The following CARD14 variants were observed in gnomAD, a reference collection of about 807,000 sequenced individuals.
CARD14 encodes the protein caspase recruitment domain family member 14.
CARD14 carries 107 observed loss-of-function variants against 111.5 expected under a neutral mutation model. The observed-to-expected ratio is 0.96, with a 90% CI of 0.82 to 1.13. The LOEUF (loss-of-function observed/expected upper bound fraction) is 1.13. CARD14 is among the 50% of genes most tolerant of loss of function. CARD14 has a pLI of 0.00. For synonymous variants in CARD14, 617 were observed against 579.6 expected (o/e 1.06, Z -0.93); for missense variants, 1,322 against 1,362.3 (o/e 0.97, Z 0.47).
intron 1 of CARD14, among the ~76,000 whole-genome samples, chr17:80,172,475 T>G (rs900838752): frequency 6.6e-6 from 1 of 152,206 alleles, no homozygotes; most frequent in Non-Finnish European, 1.5e-5. Context: ...TCTAGAACTT[T>G]CCCCACTTCA....
chr17:80,174,812 T>C (rs1233431104), intron 2 of CARD14, among the ~76,000 whole-genome samples: 2 of 152,110 alleles, frequency 1.3e-5, no homozygotes, highest in African/African-American at 4.8e-5. Context: ...GCGTTTTCTC[T>C]GACTTCCCTA....
At chr17:80,206,138 C>G (rs1389261475) in intron 22 of CARD14, among the ~76,000 whole-genome samples, 2 of 152,204 alleles carry the variant, frequency 1.3e-5, no homozygotes, top group East Asian at 3.9e-4. Context: ...GATGGAAACT[C>G]TTAATACTGC....
At chr17:80,180,944 G>A (rs2144142966) in intron 4 of CARD14, among the ~76,000 whole-genome samples, 1 of 152,252 alleles carries the variant, frequency 6.6e-6, no homozygotes, top group Non-Finnish European at 1.5e-5. Context: ...TGTATTTTTA[G>A]TAGAGACAGG....
At position 80,189,968 on chromosome 17, in the gene CARD14, C is replaced by T. The variant is rs552320625; in HGVS notation, c.963+96C>T. 17 of 1,474,136 alleles carry T rather than the reference C, an allele frequency of 1.2e-5. No individual in the cohort carries two copies. The African/African-American group carries it at 1.8e-4, about 15-fold the overall frequency. The allele number at this position is 1,474,136 out of a possible 1,614,324, so 91.3% of individuals were successfully genotyped here. ...GGAAGCCAGATTCCTTCATCCACGC[C>T]GAGCTCACATAATTTTGCTGAACGA... On this transcript the variant is annotated intron_variant, in intron 9 of 23. Coordinates refer to ENST00000648509, the MANE Select transcript of CARD14 (RefSeq NM_001366385.1). This position sits in a 1 kb window ranked among gnomAD's most constrained non-coding sequence, Gnocchi z 4.7.
At chr17:80,175,951 C>T (rs1160327429) in intron 2 of CARD14, among the ~76,000 whole-genome samples, 2 of 79,238 alleles carry the variant, frequency 2.5e-5, no homozygotes, top group African/African-American at 1.0e-4. Flanking sequence ...GCTCTCGGAT[C>T]GTTTTTTTTT....
rs1598675593 is a variant in CARD14 at position 80,198,570 on chromosome 17, C to T, written c.1830C>T (p.Arg610=). 2 of 1,612,640 alleles carry T rather than the reference C, an allele frequency of 1.2e-6. No homozygotes were observed. The highest frequency in any genetic ancestry group is 1.1e-5 in the South Asian group (1 of 91,010). The part of the protein sequence containing the change: ...PGSAADQMAL[R]PGTQIVMVDY... ...CGGCGGCGGACCAGATGGCCTTGCG[C>T]CCGGGCACCCAGATTGTGATGGTGA... is the stretch of plus-strand genomic sequence containing the variant. The change falls in exon 16 of 24, where the codon CGC becomes CGT. Residue 610 remains arginine (R), a synonymous_variant. Coordinates refer to ENST00000648509, the MANE Select transcript of CARD14 (RefSeq NM_001366385.1). The surrounding 1 kb of genome is among the most constrained non-coding windows in gnomAD (Gnocchi z 7.5).
In CARD14 at chr17:80,188,922, A is replaced by C. The variant is rs1361169030; in HGVS notation, c.843+378A>C. 1 of 155,716 alleles carries C rather than the reference A, an allele frequency of 6.4e-6. No individual in the cohort carries two copies. The highest frequency in any genetic ancestry group is 1.9e-4 in the East Asian group (1 of 5,312). 9.6% of individuals were successfully genotyped at this position (155,716 alleles called of 1,614,324 possible). A position where few individuals can be genotyped will look rare whatever the true frequency, so the allele number is the denominator to read the frequency against. ...AAAAAGTAGCCGGGCATGGTGGTGC[A>C]CACCTGTGGTCCCAGCTATTCGGGA... On this transcript the variant is annotated intron_variant, in intron 8 of 23. Coordinates refer to ENST00000648509, the MANE Select transcript of CARD14 (RefSeq NM_001366385.1). The surrounding 1 kb of genome is among the most constrained non-coding windows in gnomAD (Gnocchi z 4.5).
chr17:80,204,452 AG>A, intron 20 of CARD14, 111 bp downstream of exon 20: 7 of 1,052,676 alleles, frequency 6.6e-6, no homozygotes, highest in Non-Finnish European at 9.5e-6. Context: ...CATTTAGGCC[AG>A]GATCTGGTCT....
At chr17:80,190,238 G>A (rs1017042851) in intron 9 of CARD14, among the ~76,000 whole-genome samples, 19 of 152,146 alleles carry the variant, frequency 1.2e-4, no homozygotes, top group African/African-American at 4.1e-4. Flanking sequence ...ACACAACTAT[G>A]CATGCAACAT....
Position 80,202,434 on chromosome 17 carries a change from T to A in CARD14, c.2219+14T>A, listed in dbSNP as rs8069255. 757,109 of 1,604,700 alleles carry A rather than the reference T, an allele frequency of 0.47. 184,171 individuals are homozygous for A. The highest frequency in any genetic ancestry group is 0.54 in the East Asian group (24,292 of 44,604). ...CAACTACTCCAGGTGAGCAGCTGCC[T>A]CGAGCTCGGTGCGTCCCCAGAGAGG... is the stretch of plus-strand genomic sequence containing the variant. On this transcript the variant is annotated intron_variant, in intron 18 of 23. Coordinates refer to ENST00000648509, the MANE Select transcript of CARD14 (RefSeq NM_001366385.1).
At chr17:80,205,428 C>A in intron 21 of CARD14, 103 bp from the exon 22 acceptor site, 1 of 1,463,940 alleles carries the variant, frequency 6.8e-7, no homozygotes, top group Non-Finnish European at 9.3e-7. Context: ...AAGAGCTTCT[C>A]CCAGTGCTGG....
rs2040420908 is a variant in CARD14, at chr17:80,188,606, G to A, written c.843+62G>A. 1 of 1,381,172 alleles carries A rather than the reference G, an allele frequency of 7.2e-7. No individual in the cohort carries two copies. The highest frequency in any genetic ancestry group is 9.4e-7 in the Non-Finnish European group (1 of 1,060,818). 85.6% of individuals were successfully genotyped at this position (1,381,172 alleles called of 1,614,324 possible). The stretch of plus-strand genomic sequence containing the variant: ...GCCTTGGGGGCTTGGCCCTCAGGCT[G>A]TGGGGTTTCTGACAGGTGGTTTAGT... On this transcript the variant is annotated intron_variant, in intron 8 of 23. Transcript: ENST00000648509. This position sits in a 1 kb window ranked among gnomAD's most constrained non-coding sequence, Gnocchi z 4.5.
At chr17:80,200,721 A>G (rs2040929928) in intron 16 of CARD14, 1 of 153,826 alleles carries the variant, frequency 6.5e-6, no homozygotes, top group African/African-American at 2.4e-5. Flanking sequence ...ATATGTAATG[A>G]AAGAATCATA....
At position 80,195,408 on chromosome 17, in the gene CARD14, C is replaced by G. The variant is rs547954709; in HGVS notation, c.1499+75C>G. On this transcript the variant is annotated intron_variant, in intron 13 of 23. Transcript: ENST00000648509. The surrounding 1 kb of genome is among the most constrained non-coding windows in gnomAD (Gnocchi z 4.7). ...CTGGCAACTCACCAGAGACACCAAC[C>G]TAGACCTCAGGGCATCTGGGTATTG... 20 of 1,549,498 alleles carry G rather than the reference C, an allele frequency of 1.3e-5. No homozygotes were observed. Among genetic ancestry groups the G allele is most frequent in the East Asian group, 9.2e-5 (4 of 43,486 alleles).
At position 80,177,308 on chromosome 17, in the gene CARD14, C is replaced by T. The variant is rs2040050057; in HGVS notation, c.-366-1200C>T. Among the ~76,000 whole-genome samples the T allele has an allele frequency of 2.6e-5, 4 of 152,030 alleles. No individual in the cohort carries two copies. The South Asian group carries it at 8.3e-4, about 32-fold the overall frequency. On this transcript the variant is annotated intron_variant, in intron 2 of 23. Coordinates refer to ENST00000648509, the MANE Select transcript of CARD14 (RefSeq NM_001366385.1). ...GAGTGGCACTACCTCAGCTCTGCAA[C>T]CTACACCTCCCAGGCTCAAGCGATC...
At chr17:80,174,619 A>G (rs2039980399) in intron 2 of CARD14, among the ~76,000 whole-genome samples, 1 of 152,080 alleles carries the variant, frequency 6.6e-6, no homozygotes, top group South Asian at 2.1e-4. Flanking sequence ...AGGGTAAAGA[A>G]TCTTCTTATT....
Position 80,204,219 on chromosome 17 carries a change from T to C in CARD14, c.2284-8T>C. On this transcript the variant is annotated splice_region_variant and splice_polypyrimidine_tract_variant and intron_variant, in intron 19 of 23. Coordinates refer to ENST00000648509, the MANE Select transcript of CARD14 (RefSeq NM_001366385.1). The stretch of plus-strand genomic sequence containing the variant: ...CTCCTCCTCATCCTTTCTCTGTCCC[T>C]CCTTTAGCCATCTTCTGGGGGACCA... 6.3e-7 allele frequency: 1 copy of C among 1,579,492 alleles called. No homozygotes were observed. The highest frequency in any genetic ancestry group is 8.7e-7 in the Non-Finnish European group (1 of 1,155,796).
Position 80,191,424 on chromosome 17 carries a change from C to T in CARD14, c.1191C>T (p.Cys397=), listed in dbSNP as rs201501775. The T allele has an allele frequency of 3.7e-6, 6 of 1,613,754 alleles. No individual in the cohort carries two copies. Among genetic ancestry groups the T allele is most frequent in the African/African-American group, 2.7e-5 (2 of 75,074 alleles). ...RQVFELTDQV[C]ELRTQLRQLQ... is the part of the protein sequence containing the mutation. ...TGTTCGAGCTGACGGACCAGGTCTG[C>T]GAGCTGCGCACACAGCTTCGCCAGC... The change falls in exon 11 of 24, where the codon TGC becomes TGT. Residue 397 remains cysteine, a synonymous_variant. Transcript: ENST00000648509.
At chr17:80,190,654 G>T in intron 9 of CARD14, 120 bp from the exon 10 acceptor site, 49 of 912,708 alleles carry the variant, frequency 5.4e-5, no homozygotes, top group Non-Finnish European at 7.3e-5. Context: ...AGTGAGAATT[G>T]ACCTTATTTC....
Sources: gnomAD v4.1 joint callset for allele counts (sites outside exome capture counted in the v4.1 genomes callset) on GRCh38, gnomAD v4.1.1 for gene constraint, Gnocchi (gnomAD v3.1) non-coding constraint, MANE v1.5 for transcripts, NCBI Gene and HGNC (gene_info 2026-07-23, HGNC 2026-07-21) for gene names.